Variants in GPC6 observed in about 807,000 individuals in gnomAD.
GPC6 encodes glypican-6.
A neutral mutation model predicts 55.2 loss-of-function variants in GPC6; 14 were observed. That is an observed-to-expected ratio of 0.25 (90% CI 0.17 to 0.40). The LOEUF (loss-of-function observed/expected upper bound fraction) is 0.40. Ranked by LOEUF, GPC6 falls within the 10% of genes least tolerant of loss-of-function variation. GPC6 has a pLI of 1.00. For missense variants in GPC6, 641 were observed against 708.5 expected, an observed-to-expected ratio of 0.90 and a Z score of 1.08; for synonymous variants, 278 against 259.6, an observed-to-expected ratio of 1.07 and a Z score of -0.68.
chr13:94,139,281 A>T (rs990326796), intron 4 of GPC6, among the ~76,000 whole-genome samples: 2 of 152,168 alleles, frequency 1.3e-5, no homozygotes, highest in African/African-American at 4.8e-5. Context: ...CTATGCATGT[A>T]ACAAAATTAT....
the GPC6 span, among the ~76,000 whole-genome samples, chr13:93,217,487 C>G: frequency 6.6e-6 from 1 of 152,120 alleles, no homozygotes; most frequent in Non-Finnish European, 1.5e-5. Context: ...TGGTTTCTTA[C>G]TGTATTCAAA....
chr13:93,455,049 C>G (rs543498525), intron 1 of GPC6, among the ~76,000 whole-genome samples: 1 of 152,204 alleles, frequency 6.6e-6, no homozygotes, highest in South Asian at 2.1e-4. Flanking sequence ...CCTTATTGCC[C>G]GGAGCCGGCA....
At chr13:94,212,390 A>T (rs1422753079) in intron 4 of GPC6, among the ~76,000 whole-genome samples, 1 of 152,176 alleles carries the variant, frequency 6.6e-6, no homozygotes, top group Non-Finnish European at 1.5e-5. Context: ...ATTTCTCTGA[A>T]GCTCATTAGT....
At chr13:94,202,959 AAC>A (rs1175935203) in intron 4 of GPC6, among the ~76,000 whole-genome samples, 2 of 152,096 alleles carry the variant, frequency 1.3e-5, no homozygotes, top group Admixed American at 1.3e-4. Flanking sequence ...TCCTGTTTTC[AAC>A]ACCTCTGGGC....
chr13:93,417,899 C>A (rs1467159297), intron 1 of GPC6, among the ~76,000 whole-genome samples: 1 of 151,980 alleles, frequency 6.6e-6, no homozygotes, highest in East Asian at 1.9e-4. Context: ...CAGAAGGGAA[C>A]AATTTCTCTG....
At chr13:94,226,847 T>A (rs879514) in intron 4 of GPC6, among the ~76,000 whole-genome samples, 28,745 of 152,148 alleles carry the variant, frequency 0.19, 2,952 homozygotes, top group East Asian at 0.42. Flanking sequence ...CATCCAGGCC[T>A]CCTGGAGCCA....
At chr13:94,326,618 G>T (rs554268579) in intron 6 of GPC6, among the ~76,000 whole-genome samples, 4 of 152,070 alleles carry the variant, frequency 2.6e-5, no homozygotes, top group Non-Finnish European at 5.9e-5. Context: ...CAAGATGTTC[G>T]GTTTGTTACC....
At chr13:93,305,896 C>G (rs932149253) in intron 1 of GPC6, among the ~76,000 whole-genome samples, 1 of 152,200 alleles carries the variant, frequency 6.6e-6, no homozygotes, top group East Asian at 1.9e-4. Context: ...CTTTTTGCCT[C>G]CCATATGCAC....
intron 4 of GPC6, among the ~76,000 whole-genome samples, chr13:94,177,141 C>T (rs1403180464): frequency 6.6e-6 from 1 of 152,086 alleles, no homozygotes; most frequent in Non-Finnish European, 1.5e-5. Context: ...AGCTAAATAG[C>T]TAATGTCTGC....
At chr13:93,720,916 C>T (rs1392586110) in intron 2 of GPC6, among the ~76,000 whole-genome samples, 2 of 151,964 alleles carry the variant, frequency 1.3e-5, no homozygotes, top group East Asian at 3.9e-4. Flanking sequence ...TTTGATTGCA[C>T]TGTGGTCTGA....
At chr13:93,783,738 C>T (rs1885732674) in intron 2 of GPC6, among the ~76,000 whole-genome samples, 1 of 152,188 alleles carries the variant, frequency 6.6e-6, no homozygotes, top group African/African-American at 2.4e-5. Context: ...CCATCATATC[C>T]TATCATGCAG....
At chr13:94,281,545 C>T (rs1015207452) in intron 4 of GPC6, among the ~76,000 whole-genome samples, 3 of 152,136 alleles carry the variant, frequency 2.0e-5, no homozygotes, top group African/African-American at 7.2e-5. Flanking sequence ...CTCTTTTTCT[C>T]AAGAAGCAAA....
At chr13:94,378,770 T>G (rs1379018681) in intron 6 of GPC6, among the ~76,000 whole-genome samples, 5 of 152,196 alleles carry the variant, frequency 3.3e-5, no homozygotes, top group Non-Finnish European at 7.3e-5. Context: ...ACTTAAATAT[T>G]ACTGGGATTA....
At chr13:93,469,275 AC>A (rs1266413626) in intron 1 of GPC6, among the ~76,000 whole-genome samples, 3 of 152,148 alleles carry the variant, frequency 2.0e-5, no homozygotes, top group Non-Finnish European at 2.9e-5. Context: ...ATAACTGTCT[AC>A]TTCAAGTGGT....
At chr13:93,406,403 C>T (rs1043876115) in intron 1 of GPC6, among the ~76,000 whole-genome samples, 1 of 152,128 alleles carries the variant, frequency 6.6e-6, no homozygotes, top group Admixed American at 6.6e-5. Flanking sequence ...ATGGAAAATT[C>T]AGGATTTCTG....
chr13:93,441,949 G>C (rs1877820468), intron 1 of GPC6, among the ~76,000 whole-genome samples: 1 of 152,194 alleles, frequency 6.6e-6, no homozygotes, highest in African/African-American at 2.4e-5. Flanking sequence ...AGGAGGGATG[G>C]AATCAATCCA....
intron 3 of GPC6, among the ~76,000 whole-genome samples, chr13:93,977,581 A>G (rs1303047378): frequency 2.6e-5 from 4 of 151,620 alleles, no homozygotes; most frequent in Non-Finnish European, 4.4e-5. Context: ...GATTCATAAC[A>G]GAACTTGTTG....
At chr13:93,367,485 T>C (rs1389238949) in intron 1 of GPC6, among the ~76,000 whole-genome samples, 1 of 152,084 alleles carries the variant, frequency 6.6e-6, no homozygotes, top group Non-Finnish European at 1.5e-5. Context: ...TTTGTTTGTC[T>C]TATTTAGGTT....
chr13:93,914,270 T>C lies in GPC6; in HGVS notation c.711+83725T>C, dbSNP rs868498013. Among the ~76,000 whole-genome samples the C allele has an allele frequency of 3.3e-4, 50 of 151,484 alleles. 1 individual carries two copies. The highest frequency in any genetic ancestry group is 6.9e-3 in the Middle Eastern group (2 of 290). ...TGTGATGTTCCCCTTCCTGTGTCCA[T>C]GTGTTCTCATTGTTCAATTGCCGCC... On this transcript the variant is annotated intron_variant, in intron 3 of 8. Coordinates refer to ENST00000377047, the MANE Select transcript of GPC6 (RefSeq NM_005708.5).
Sources: gnomAD v4.1 joint callset for allele counts (sites outside exome capture counted in the v4.1 genomes callset) on GRCh38, gnomAD v4.1.1 for gene constraint, MANE v1.5 for transcripts, NCBI Gene and HGNC (gene_info 2026-07-23, HGNC 2026-07-21) for gene names.